Variants in OSBPL8 observed in about 807,000 individuals in gnomAD.
OSBPL8 encodes the protein oxysterol-binding protein-related protein 8.
A neutral mutation model predicts 125.5 loss-of-function variants in OSBPL8; 59 were observed. The ratio of observed to expected loss-of-function variants is 0.47; its 90% CI spans 0.38 to 0.58. The LOEUF is 0.58. Ranked by LOEUF, OSBPL8 falls within the 20% of genes least tolerant of loss-of-function variation. OSBPL8 has a pLI of 0.00. For synonymous variants in OSBPL8, 330 were observed against 338.9 expected (o/e 0.97, Z 0.29); for missense variants, 758 against 1,047.8 (o/e 0.72, Z 3.82).
At chr12:76,461,625 G>C (rs1307584573) in intron 2 of OSBPL8, among the ~76,000 whole-genome samples, 1 of 152,008 alleles carries the variant, frequency 6.6e-6, no homozygotes, top group African/African-American at 2.4e-5. Context: ...TTTTAGTAGA[G>C]ACGGGGTTTC....
chr12:76,480,162 C>A (rs1592757003), intron 2 of OSBPL8, among the ~76,000 whole-genome samples: 1 of 79,726 alleles, frequency 1.3e-5, no homozygotes. Flanking sequence ...AGTGAAACTC[C>A]ATCTCAAAAA....
At position 76,390,636 on chromosome 12, in the gene OSBPL8, T is replaced by C; in HGVS notation, c.951A>G (p.Glu317=). 1 of 1,612,040 alleles carries C rather than the reference T, an allele frequency of 6.2e-7. No individual in the cohort carries two copies. The highest frequency in any genetic ancestry group is 8.5e-7 in the Non-Finnish European group (1 of 1,178,604). ...DNFQLNDSEI[E]RQHFKDQDMY... is the part of the protein sequence containing the mutation. ...TATCTTGGTCCTTAAAATGTTGTCG[T>C]TCAATTTCACTATCATTTAACCTTA... Residue 317 remains glutamate, a synonymous_variant, in exon 11 of 24, where the codon GAA becomes GAG. Transcript: ENST00000261183.
At chr12:76,367,885 T>G (rs1230191846) in intron 21 of OSBPL8, among the ~76,000 whole-genome samples, 1 of 152,248 alleles carries the variant, frequency 6.6e-6, no homozygotes, top group Non-Finnish European at 1.5e-5. Context: ...TCTTTACACA[T>G]TGTATGTCTG....
chr12:76,378,136 A>T (rs1035575319), intron 16 of OSBPL8, among the ~76,000 whole-genome samples: 22 of 152,238 alleles, frequency 1.4e-4, no homozygotes, highest in Non-Finnish European at 2.5e-4. Flanking sequence ...AATCATCTTT[A>T]CAGATTCTGA....
chr12:76,545,575 T>C (rs370400028), intron 1 of OSBPL8, among the ~76,000 whole-genome samples: 12 of 152,302 alleles, frequency 7.9e-5, no homozygotes, highest in African/African-American at 1.2e-4. Context: ...AAGAAATTTA[T>C]TCATATTTCA....
intron 5 of OSBPL8, among the ~76,000 whole-genome samples, chr12:76,404,423 C>G (rs1954171681): frequency 6.6e-6 from 1 of 152,124 alleles, no homozygotes; most frequent in African/African-American, 2.4e-5. Context: ...TTACCAAGTA[C>G]AGTTAACTCT....
chr12:76,369,609 T>C (rs1201293975), intron 20 of OSBPL8, 28 bp downstream of exon 20: 2 of 1,593,676 alleles, frequency 1.3e-6, no homozygotes, highest in East Asian at 2.2e-5. Flanking sequence ...AATACATTGT[T>C]TGAAATAAAC....
chr12:76,469,073 C>T (rs1875804439), intron 2 of OSBPL8, among the ~76,000 whole-genome samples: 1 of 152,186 alleles, frequency 6.6e-6, no homozygotes, highest in Non-Finnish European at 1.5e-5. Flanking sequence ...CACTCCTTTT[C>T]TGAAAACTCT....
chr12:76,526,633 CTCTTT>C (rs1565971259), intron 1 of OSBPL8, among the ~76,000 whole-genome samples: 22 of 106,592 alleles, frequency 2.1e-4, no homozygotes, highest in African/African-American at 7.5e-4. Flanking sequence ...ATCAGTAAAT[CTCTTT>C]TTTTTTTTTT....
chr12:76,552,187 G>C (rs574965945), intron 1 of OSBPL8, among the ~76,000 whole-genome samples: 29 of 152,140 alleles, frequency 1.9e-4, no homozygotes, highest in Non-Finnish European at 3.2e-4. Context: ...CACTTTGGGA[G>C]GCTGAGGCGG....
intron 1 of OSBPL8, among the ~76,000 whole-genome samples, chr12:76,537,759 A>G (rs930571189): frequency 5.3e-5 from 8 of 152,136 alleles, no homozygotes; most frequent in Non-Finnish European, 7.3e-5. Context: ...AGATAGAAAA[A>G]TTAGCTGGGC....
rs187683730 is a variant in OSBPL8 at position 76,386,841 on chromosome 12, C to A, written c.1353-181G>T. On this transcript the variant is annotated intron_variant, in intron 12 of 23. Coordinates refer to ENST00000261183, the MANE Select transcript of OSBPL8 (RefSeq NM_020841.5). ...GTAAATCAATTTCTGTTTTTCTTAA[C>A]CTGGTCACATTTTCCCCCATTTTCC... 6.6e-3 allele frequency among the ~76,000 whole-genome samples: 1,000 copies of A among 152,162 alleles called. 6 individuals carry two copies. The highest frequency in any genetic ancestry group is 0.037 in the Middle Eastern group (11 of 294).
At chr12:76,358,657 T>C (rs1952084164) in intron 22 of OSBPL8, 49 bp downstream of exon 22, 7 of 1,405,046 alleles carry the variant, frequency 5.0e-6, no homozygotes, top group Non-Finnish European at 7.1e-6. Flanking sequence ...TCAAATTGTG[T>C]AGTAATTAAA....
At chr12:76,437,183 G>A (rs138181918) in intron 4 of OSBPL8, among the ~76,000 whole-genome samples, 1 of 152,148 alleles carries the variant, frequency 6.6e-6, no homozygotes, top group Non-Finnish European at 1.5e-5. Context: ...AAGGATTAGA[G>A]TTTATCTTTA....
chr12:76,353,227 A>AG lies in OSBPL8; in HGVS notation c.*2661dup, dbSNP rs1299215228. The AG allele has an allele frequency of 1.3e-5, 2 of 152,360 alleles. No individual in the cohort carries two copies. The highest frequency in any genetic ancestry group is 2.9e-5 in the Non-Finnish European group (2 of 67,848). 9.4% of individuals were successfully genotyped at this position (152,360 alleles called of 1,614,324 possible). A position where few individuals can be genotyped will look rare whatever the true frequency, so the allele number is the denominator to read the frequency against. ...CTTTATAAGTGATATAAAACAAAAA[A>AG]GTACTAACATGAAATACAAATAAAA... On this transcript the variant is annotated 3_prime_UTR_variant, in exon 24 of 24. Transcript: ENST00000261183.
chr12:76,497,526 C>T (rs185990314), intron 1 of OSBPL8, among the ~76,000 whole-genome samples: 249 of 152,242 alleles, frequency 1.6e-3, no homozygotes, highest in African/African-American at 5.7e-3. Flanking sequence ...ACACCTAAAC[C>T]CTAAAAGTAG....
intron 4 of OSBPL8, among the ~76,000 whole-genome samples, chr12:76,427,918 G>A (rs1385759033): frequency 2.6e-5 from 4 of 151,946 alleles, no homozygotes; most frequent in Non-Finnish European, 4.4e-5. Flanking sequence ...AAATAGGTCA[G>A]GATAGAAAAT....
intron 12 of OSBPL8, among the ~76,000 whole-genome samples, chr12:76,389,097 C>G (rs1953447974): frequency 6.6e-6 from 1 of 152,150 alleles, no homozygotes; most frequent in African/African-American, 2.4e-5. Flanking sequence ...TGGATAGCAC[C>G]TCCTCTGCCT....
At chr12:76,362,148 A>C (rs981300582) in intron 21 of OSBPL8, among the ~76,000 whole-genome samples, 1 of 152,186 alleles carries the variant, frequency 6.6e-6, no homozygotes, top group African/African-American at 2.4e-5. Flanking sequence ...TTAAAATAGA[A>C]ATCCACATTT....
Sources: allele counts gnomAD v4.1 joint callset (sites outside exome capture counted in the v4.1 genomes callset), GRCh38; gene constraint gnomAD v4.1.1; transcripts MANE v1.5; gene names NCBI Gene and HGNC (gene_info 2026-07-23, HGNC 2026-07-21).